The following CUX1 variants were observed in gnomAD, a reference collection of about 807,000 sequenced individuals.
CUX1 encodes the protein protein CASP.
Under a neutral mutation model 158.8 loss-of-function variants are expected in CUX1, and 31 were observed. The observed-to-expected ratio is 0.20, with a 90% confidence interval of 0.15 to 0.26. The LOEUF is 0.26. Ranked by LOEUF, CUX1 falls within the 10% of genes least tolerant of loss-of-function variation. The probability of loss-of-function intolerance (pLI) is 1.00; values close to 1 mark genes in which losing one functional copy is unlikely to be tolerated. For synonymous variants in CUX1, 879 were observed against 862.1 expected, an observed-to-expected ratio of 1.02 and a Z score of -0.34; for missense variants, 1,589 against 2,014.6, an observed-to-expected ratio of 0.79 and a Z score of 4.04.
In CUX1 at chr7:102,253,712, C is replaced by T. The variant is rs1257018700; in HGVS notation, c.*4670C>T. ...ATGCAGTATGACAGGCGCTTCTTGG[C>T]AGACCAGTAAAAACAAAAGCCCATA... On this transcript the variant is annotated 3_prime_UTR_variant, in exon 24 of 24. Transcript: ENST00000292535. 20 of 985,336 alleles carry T rather than the reference C, an allele frequency of 2.0e-5. No individual in the cohort carries two copies. Among genetic ancestry groups the T allele is most frequent in the Non-Finnish European group, 2.3e-5 (19 of 829,966 alleles). The allele number at this position is 985,336 out of a possible 1,614,324, so 61.0% of individuals were successfully genotyped here.
intron 4 of CUX1, among the ~76,000 whole-genome samples, chr7:102,083,595 C>T (rs373192193): frequency 2.7e-5 from 4 of 147,260 alleles, no homozygotes; most frequent in South Asian, 2.2e-4. Flanking sequence ...CATGAGCCAC[C>T]GTGCCTGGCT....
chr7:102,064,739 A>G (rs116455981), intron 3 of CUX1, among the ~76,000 whole-genome samples: 1,683 of 152,156 alleles, frequency 0.011, 28 homozygotes, highest in African/African-American at 0.039. Flanking sequence ...GGCCCTTGCC[A>G]GGGTAGGTCA....
intron 2 of CUX1, among the ~76,000 whole-genome samples, chr7:101,953,721 G>A (rs913555206): frequency 1.3e-5 from 2 of 152,128 alleles, no homozygotes; most frequent in African/African-American, 4.8e-5. Flanking sequence ...CCCGTGCCAG[G>A]ACACAGTCGG....
Position 102,189,679 on chromosome 7 carries a change from C to T in CUX1, c.1018-134C>T, listed in dbSNP as rs1794067516. The T allele has an allele frequency of 5.6e-6, 5 of 892,104 alleles. No homozygotes were observed. The South Asian group carries it at 7.7e-5, about 14-fold the overall frequency. The allele number at this position is 892,104 out of a possible 1,614,324, so 55.3% of individuals were successfully genotyped here. On this transcript the variant is annotated intron_variant, in intron 11 of 23. Transcript: ENST00000292535. ...CGTGAGGGACAAAAGATGGCCCCAG[C>T]ACCGTTGACTCCATTCGCAAGGGCT...
At chr7:102,278,077 C>G (rs782343556) in intron 18 of CUX1, 1 of 1,581,838 alleles carries the variant, frequency 6.3e-7, no homozygotes, top group Admixed American at 1.7e-5. Context: ...TGAGGGCCCT[C>G]CCCTGGCCTC....
At chr7:102,268,361 T>G (rs1790959895) in intron 14 of CUX1, among the ~76,000 whole-genome samples, 1 of 152,108 alleles carries the variant, frequency 6.6e-6, no homozygotes, top group Non-Finnish European at 1.5e-5. Flanking sequence ...CGACAACACC[T>G]TCGCCTCGCT....
intron 4 of CUX1, among the ~76,000 whole-genome samples, chr7:102,096,648 G>T (rs1829223702): frequency 6.6e-6 from 1 of 152,192 alleles, no homozygotes; most frequent in African/African-American, 2.4e-5. Context: ...GGAGGCTGCA[G>T]TGAGCCATGA....
At chr7:102,016,668 T>C (rs1311740483) in intron 2 of CUX1, among the ~76,000 whole-genome samples, 2 of 152,178 alleles carry the variant, frequency 1.3e-5, no homozygotes, top group African/African-American at 4.8e-5. Flanking sequence ...AGTAGAATTC[T>C]CTCATAAGTA....
At chr7:101,952,398 A>G (rs900382771) in intron 2 of CUX1, among the ~76,000 whole-genome samples, 1 of 152,034 alleles carries the variant, frequency 6.6e-6, no homozygotes, top group Admixed American at 6.6e-5. Context: ...AATAAATTAA[A>G]AGTACAGATT....
chr7:102,107,386 C>G (rs1384784107), intron 6 of CUX1, among the ~76,000 whole-genome samples: 1 of 151,346 alleles, frequency 6.6e-6, no homozygotes, highest in African/African-American at 2.4e-5. Context: ...TGAAAAAATA[C>G]AAAATAAGCC....
At chr7:102,127,651 T>C (rs782120782) in intron 8 of CUX1, among the ~76,000 whole-genome samples, 62 of 152,188 alleles carry the variant, frequency 4.1e-4, no homozygotes, top group Non-Finnish European at 7.5e-4. Context: ...ACACAGTGCA[T>C]ACTGCATAAC....
chr7:102,067,789 C>T (rs2130525025), intron 3 of CUX1, among the ~76,000 whole-genome samples: 1 of 151,634 alleles, frequency 6.6e-6, no homozygotes, highest in African/African-American at 2.4e-5. Flanking sequence ...CCTGTAATCT[C>T]GCCTGACCCC....
intron 12 of CUX1, among the ~76,000 whole-genome samples, chr7:102,192,857 C>A (rs1168049918): frequency 6.6e-6 from 1 of 152,224 alleles, no homozygotes; most frequent in Non-Finnish European, 1.5e-5. Context: ...TTCCCCTCTT[C>A]TCCCTGGTAA....
In CUX1 at chr7:102,082,534, A is replaced by G. The variant is rs1006079429; in HGVS notation, c.268+12117A>G. ...ACTGTCTAAAAATAAATACATACAT[A>G]AACACATACAATGAAATGCGCTCAT... On this transcript the variant is annotated intron_variant, in intron 4 of 23. Transcript: ENST00000292535. Among the ~76,000 whole-genome samples the G allele has an allele frequency of 1.6e-4, 24 of 147,126 alleles. 1 individual carries two copies. The highest frequency in any genetic ancestry group is 5.6e-4 in the African/African-American group (23 of 41,086).
chr7:102,088,114 C>T (rs1019549501), intron 4 of CUX1, among the ~76,000 whole-genome samples: 2 of 151,784 alleles, frequency 1.3e-5, no homozygotes, highest in African/African-American at 2.4e-5. Context: ...TCTGCTGACT[C>T]AGCCTCCCCA....
intron 15 of CUX1, chr7:102,274,115 C>A (rs868952305): frequency 1.1e-5 from 9 of 851,688 alleles, no homozygotes; most frequent in Middle Eastern, 3.5e-4. Flanking sequence ...CTGCAGCCAG[C>A]CTGCACCCCG....
At position 101,970,162 on chromosome 7, in the gene CUX1, A is replaced by C. The variant is rs1214062401; in HGVS notation, c.141+53937A>C. On this transcript the variant is annotated intron_variant, in intron 2 of 23. Transcript: ENST00000292535. The stretch of plus-strand genomic sequence containing the variant: ...TGCTGTGCTTGTTAAAATTCAAATT[A>C]GGCTTTATTCTCTTAGCAAACGTTG... Among the ~76,000 whole-genome samples, 4 of 152,124 alleles carry C rather than the reference A, an allele frequency of 2.6e-5. No homozygotes were observed. The East Asian group carries it at 7.7e-4, about 29-fold the overall frequency.
At position 101,869,832 on chromosome 7, in the gene CUX1, C is replaced by T. The variant is rs1238753353; in HGVS notation, c.31-46283C>T. On this transcript the variant is annotated intron_variant, in intron 1 of 23. Coordinates refer to ENST00000292535, the MANE Select transcript of CUX1 (RefSeq NM_181552.4). This position sits in a 1 kb window ranked among gnomAD's most constrained non-coding sequence, Gnocchi z 4.5. The stretch of plus-strand genomic sequence containing the variant: ...TTTCAGCTTTCCCCGTGGCTCCCCT[C>T]CGCCAAATCTTAAATCCTCTTGTTA... Among the ~76,000 whole-genome samples the T allele has an allele frequency of 1.3e-5, 2 of 152,168 alleles. No individual in the cohort carries two copies. The highest frequency in any genetic ancestry group is 2.9e-5 in the Non-Finnish European group (2 of 68,038).
intron 1 of CUX1, among the ~76,000 whole-genome samples, chr7:101,888,896 T>G (rs1800545832): frequency 6.6e-6 from 1 of 151,862 alleles, no homozygotes; most frequent in Admixed American, 6.6e-5. Context: ...TGCCAAGAGA[T>G]GGTCATTAAA....
Sources: allele counts gnomAD v4.1 joint callset (sites outside exome capture counted in the v4.1 genomes callset), GRCh38; gene constraint gnomAD v4.1.1; non-coding constraint Gnocchi (gnomAD v3.1); transcripts MANE v1.5; gene names NCBI Gene and HGNC (gene_info 2026-07-23, HGNC 2026-07-21).